Variants in PARVB observed in about 807,000 individuals in gnomAD.
PARVB encodes the protein beta-parvin.
Under a neutral mutation model 47.0 loss-of-function variants are expected in PARVB, and 46 were observed. The observed-to-expected ratio is 0.98, with a 90% CI of 0.77 to 1.25. The LOEUF is 1.25. Among genes scored for constraint, PARVB ranks in the 50% most tolerant of loss-of-function variants. The pLI is 0.00. For synonymous variants in PARVB, 196 were observed against 196.3 expected, an observed-to-expected ratio of 1.00 and a Z score of 0.01; for missense variants, 473 against 471.6, an observed-to-expected ratio of 1.00 and a Z score of -0.03.
At chr22:44,102,677 CA>C (rs3216456) in intron 3 of PARVB, 242 of 140,388 alleles carry the variant, frequency 1.7e-3, no homozygotes, top group South Asian at 0.014. Context: ...CTGTCTCTAC[CA>C]AAAAAAAAAA....
At chr22:44,022,957 G>A (rs2050668616), upstream of PARVB, among the ~76,000 whole-genome samples, 2 of 151,874 alleles carry the variant, frequency 1.3e-5, no homozygotes, top group South Asian at 2.1e-4. Flanking sequence ...ATGTTGGCCA[G>A]GCTGGTCTTG....
chr22:44,165,808 C>T (rs1368880968), intron 12 of PARVB, among the ~76,000 whole-genome samples: 1 of 152,256 alleles, frequency 6.6e-6, no homozygotes, highest in Non-Finnish European at 1.5e-5. Context: ...GCACCTATTA[C>T]GCTCAAGTGA....
chr22:44,097,575 C>T (rs1361823418), intron 2 of PARVB, among the ~76,000 whole-genome samples: 2 of 152,164 alleles, frequency 1.3e-5, no homozygotes, highest in Non-Finnish European at 2.9e-5. Flanking sequence ...CTGAATCAGG[C>T]CCCTGCCCCG....
chr22:44,034,376 G>T (rs2050881863), intron 1 of PARVB, among the ~76,000 whole-genome samples: 1 of 151,426 alleles, frequency 6.6e-6, no homozygotes, highest in South Asian at 2.1e-4. Context: ...TGAGATGGGG[G>T]TCTTTATACA....
chr22:44,065,357 A>G (rs1343482904), intron 1 of PARVB, among the ~76,000 whole-genome samples: 1 of 151,956 alleles, frequency 6.6e-6, no homozygotes, highest in Non-Finnish European at 1.5e-5. Context: ...CTGGGTCTCT[A>G]TGTTGCCCAA....
chr22:44,109,710 G>A (rs2147093347), intron 3 of PARVB: 2 of 152,144 alleles, frequency 1.3e-5, no homozygotes, highest in Middle Eastern at 3.4e-3. Context: ...CTTGGACTGG[G>A]TTTGAAATCC....
intron 3 of PARVB, among the ~76,000 whole-genome samples, chr22:44,117,509 G>A (rs903728593): frequency 6.6e-6 from 1 of 152,188 alleles, no homozygotes; most frequent in East Asian, 1.9e-4. Flanking sequence ...GTGGAAGCAG[G>A]GTAGTTGGTG....
At chr22:44,168,458 A>G in intron 12 of PARVB, 144 bp from the exon 13 acceptor site, 2 of 651,026 alleles carry the variant, frequency 3.1e-6, no homozygotes, top group Non-Finnish European at 5.7e-6. Context: ...AGCGTCCTGG[A>G]CATGGTGGTG....
chr22:44,100,791 G>A (rs776654085), intron 3 of PARVB, among the ~76,000 whole-genome samples: 8 of 152,140 alleles, frequency 5.3e-5, no homozygotes, highest in Non-Finnish European at 1.0e-4. Flanking sequence ...TCGAAACCAC[G>A]GTAGGGCTTG....
Position 44,168,738 on chromosome 22 carries a change from C to T in PARVB, c.*60C>T. ...GCAAGAAAGGCGGCATCCGTCTGTG[C>T]CCTGTGCCTTTCCAGGGAGCCAGGC... On this transcript the variant is annotated 3_prime_UTR_variant, in exon 13 of 13. Coordinates refer to ENST00000338758, the MANE Select transcript of PARVB (RefSeq NM_013327.5). 8.3e-7 allele frequency: 1 copy of T among 1,205,702 alleles called. No individual in the cohort carries two copies. The highest frequency in any genetic ancestry group is 1.2e-5 in the South Asian group (1 of 82,702). 74.7% of individuals were successfully genotyped at this position (1,205,702 alleles called of 1,614,324 possible).
chr22:44,020,863 C>T (rs1021189166), upstream of PARVB, among the ~76,000 whole-genome samples: 102 of 152,170 alleles, frequency 6.7e-4, no homozygotes, highest in African/African-American at 2.3e-3. Flanking sequence ...TCACTGCAAC[C>T]TCCACCTCCT....
chr22:44,016,232 G>A (rs1216233304), intron 2 of PARVB, among the ~76,000 whole-genome samples: 1 of 151,940 alleles, frequency 6.6e-6, no homozygotes, highest in Admixed American at 6.6e-5. Flanking sequence ...GAGTAGCTGG[G>A]ACTACAGGCA....
upstream of PARVB, chr22:44,024,274 C>T (rs2050690577): frequency 2.2e-6 from 2 of 904,884 alleles, no homozygotes; most frequent in South Asian, 1.0e-4. Flanking sequence ...GCGCCCTCGG[C>T]CTCTCCCCGG....
At chr22:44,127,212 A>G (rs1324190816) in intron 4 of PARVB, among the ~76,000 whole-genome samples, 1 of 152,086 alleles carries the variant, frequency 6.6e-6, no homozygotes, top group Non-Finnish European at 1.5e-5. Context: ...GGCAATTCTA[A>G]AATCTCTTGA....
intron 1 of PARVB, among the ~76,000 whole-genome samples, chr22:44,030,575 C>T (rs1017297262): frequency 6.6e-6 from 1 of 151,790 alleles, no homozygotes; most frequent in African/African-American, 2.4e-5. Flanking sequence ...GGGGAATGGA[C>T]GGAATGGGGG....
At chr22:44,030,332 C>G (rs2050803111) in intron 1 of PARVB, among the ~76,000 whole-genome samples, 1 of 152,210 alleles carries the variant, frequency 6.6e-6, no homozygotes, top group Non-Finnish European at 1.5e-5. Context: ...AGGAAGTGGT[C>G]CTGGCTGAAT....
At position 44,163,982 on chromosome 22, in the gene PARVB, A is replaced by C. The variant is rs2054109726; in HGVS notation, c.1018+52A>C. On this transcript the variant is annotated intron_variant, in intron 12 of 12. Coordinates refer to ENST00000338758, the MANE Select transcript of PARVB (RefSeq NM_013327.5). ...GGGAGAGGTGCGCACGGAGGGGAAG[A>C]AAAACGGGTCCTAGAAGTGGCTGGA... The C allele has an allele frequency of 5.0e-6, 7 of 1,409,192 alleles. No homozygotes were observed. The East Asian group carries it at 1.7e-4, about 33-fold the overall frequency. The allele number at this position is 1,409,192 out of a possible 1,614,324, so 87.3% of individuals were successfully genotyped here.
rs762634891 is a variant in PARVB, at chr22:44,157,996, G to T, written c.858G>T (p.Val286=). 7 of 1,613,216 alleles carry T rather than the reference G, an allele frequency of 4.3e-6. No homozygotes were observed. The change falls in exon 11 of 13, where the codon GTG becomes GTT. Residue 286 remains valine (V), a synonymous_variant. Transcript: ENST00000338758. ...TTTCTCTGCAGTTTGCAGATGGCGT[G>T]TACCTGGTTCTGCTCATGGGCCTTC... ...TELETQFADG[V]YLVLLMGLLE... is the part of the protein sequence containing the mutation.
At chr22:44,095,088 G>A (rs571781488) in intron 2 of PARVB, among the ~76,000 whole-genome samples, 1 of 145,810 alleles carries the variant, frequency 6.9e-6, no homozygotes, top group South Asian at 2.1e-4. Flanking sequence ...TGCGGCTCAG[G>A]CTCTGAGTGG....
Sources: gnomAD v4.1 joint callset for allele counts (sites outside exome capture counted in the v4.1 genomes callset) on GRCh38, gnomAD v4.1.1 for gene constraint, MANE v1.5 for transcripts, NCBI Gene and HGNC (gene_info 2026-07-23, HGNC 2026-07-21) for gene names.